MAP3K7CL: variants seen among roughly 807,000 people sequenced by gnomAD.
The protein encoded by MAP3K7CL is MAP3K7 C-terminal like.
MAP3K7CL carries 16 observed loss-of-function variants against 18.6 expected under a neutral mutation model. The observed-to-expected ratio is 0.86, with a 90% confidence interval of 0.58 to 1.31. The LOEUF (loss-of-function observed/expected upper bound fraction) is 1.31. MAP3K7CL is among the 50% of genes most tolerant of loss of function. MAP3K7CL has a pLI of 0.00. For missense variants in MAP3K7CL, 163 were observed against 174.4 expected (o/e 0.93, Z 0.37); for synonymous variants, 65 against 66.8 (o/e 0.97, Z 0.13).
intron 2 of MAP3K7CL, among the ~76,000 whole-genome samples, chr21:29,133,659 G>A (rs76276670): frequency 0.1 from 15,377 of 151,966 alleles, 1,721 homozygotes; most frequent in African/African-American, 0.27. Context: ...CCCCATTCTA[G>A]CTTTCTTTTA....
chr21:29,094,532 G>A (rs184760521), intron 4 of MAP3K7CL, among the ~76,000 whole-genome samples: 27 of 152,272 alleles, frequency 1.8e-4, no homozygotes, highest in Non-Finnish European at 3.1e-4. Flanking sequence ...TGCATGGGTC[G>A]CTTTGATAGA....
chr21:29,155,134 C>A (rs1601252943), intron 3 of MAP3K7CL, among the ~76,000 whole-genome samples: 2 of 152,142 alleles, frequency 1.3e-5, no homozygotes, highest in East Asian at 3.8e-4. Flanking sequence ...TAATAGAGTT[C>A]TTAAATATCG....
At chr21:29,116,346 A>C (rs2086505064) in intron 4 of MAP3K7CL, among the ~76,000 whole-genome samples, 1 of 152,240 alleles carries the variant, frequency 6.6e-6, no homozygotes, top group African/African-American at 2.4e-5. Context: ...ATATTTAAAA[A>C]ATATAAATGT....
intron 4 of MAP3K7CL, among the ~76,000 whole-genome samples, chr21:29,119,865 A>G (rs1405243695): frequency 6.6e-6 from 1 of 151,938 alleles, no homozygotes; most frequent in Non-Finnish European, 1.5e-5. Context: ...GGGTTTCACC[A>G]TGTTGGCCAG....
At chr21:29,103,734 C>CAA (rs113442821) in intron 4 of MAP3K7CL, among the ~76,000 whole-genome samples, 5 of 130,228 alleles carry the variant, frequency 3.8e-5, no homozygotes, top group Non-Finnish European at 5.0e-5. Flanking sequence ...GACTTTGTCT[C>CAA]AAAAAAAAAA....
At chr21:29,118,596 G>T (rs553655272) in intron 4 of MAP3K7CL, among the ~76,000 whole-genome samples, 1 of 152,336 alleles carries the variant, frequency 6.6e-6, no homozygotes, top group South Asian at 2.1e-4. Context: ...GGGTTGAAAT[G>T]ACTACACAGA....
chr21:29,112,891 C>T (rs73192180), intron 4 of MAP3K7CL, among the ~76,000 whole-genome samples: 1 of 151,856 alleles, frequency 6.6e-6, no homozygotes, highest in East Asian at 1.9e-4. Context: ...CCACTGCAAC[C>T]TCTGCCTCCT....
intron 4 of MAP3K7CL, among the ~76,000 whole-genome samples, chr21:29,094,317 G>T (rs1411095360): frequency 6.6e-6 from 1 of 152,246 alleles, no homozygotes; most frequent in Non-Finnish European, 1.5e-5. Context: ...ACAGCAGTGG[G>T]TTCTCAAATG....
chr21:29,121,052 T>A (rs1483061995), intron 4 of MAP3K7CL, among the ~76,000 whole-genome samples: 4 of 52,392 alleles, frequency 7.6e-5, no homozygotes, highest in Admixed American at 2.0e-4. Flanking sequence ...GGCAACAGAG[T>A]CAGATATATA....
intron 2 of MAP3K7CL, among the ~76,000 whole-genome samples, chr21:29,144,475 A>C (rs8131283): frequency 2.0e-5 from 3 of 152,072 alleles, no homozygotes; most frequent in Non-Finnish European, 4.4e-5. Context: ...AGAATATTTT[A>C]GGGAAAATTT....
In MAP3K7CL at chr21:29,169,306, AT is replaced by A. The variant is rs2087767236; in HGVS notation, c.249-5403del. ...TAGTACATTTCTTCATGCATTAAGC[AT>A]TTGTACAGCTTCAACAACATAGTCT... On this transcript the variant is annotated intron_variant, in intron 4 of 4. Coordinates refer to ENST00000399928, the MANE Select transcript of MAP3K7CL (RefSeq NM_001286620.2). 4.6e-5 allele frequency among the ~76,000 whole-genome samples: 7 copies of A among 152,334 alleles called. No individual in the cohort carries two copies. The South Asian group carries it at 1.5e-3, about 32-fold the overall frequency.
intron 4 of MAP3K7CL, among the ~76,000 whole-genome samples, chr21:29,162,498 A>T (rs1289007623): frequency 1.3e-5 from 2 of 151,886 alleles, no homozygotes; most frequent in Non-Finnish European, 1.5e-5. Flanking sequence ...CCTGGCCAAC[A>T]TGGCAAAACC....
At position 29,087,780 on chromosome 21, in the gene MAP3K7CL, A is replaced by T. The variant is rs551531111; in HGVS notation, c.57+1863A>T. On this transcript the variant is annotated intron_variant, in intron 1 of 6. Transcript: ENST00000286791. ...GGCTAATTTTTTGTATTTTTAGTAG[A>T]GACGGGGTTTCACTGAGTTAGCCAG... 1.8e-3 allele frequency among the ~76,000 whole-genome samples: 271 copies of T among 151,826 alleles called. 1 individual carries two copies. Among genetic ancestry groups the T allele is most frequent in the Middle Eastern group, 6.8e-3 (2 of 294 alleles).
At chr21:29,101,561 A>G (rs1169827585) in intron 4 of MAP3K7CL, among the ~76,000 whole-genome samples, 1 of 152,122 alleles carries the variant, frequency 6.6e-6, no homozygotes, top group African/African-American at 2.4e-5. Flanking sequence ...GGCGCCCGCC[A>G]CCATGCCCAG....
At chr21:29,087,889 G>A (rs986799062) in intron 1 of MAP3K7CL, among the ~76,000 whole-genome samples, 2 of 152,128 alleles carry the variant, frequency 1.3e-5, no homozygotes, top group East Asian at 1.9e-4. Flanking sequence ...CACCGCGCCC[G>A]GTCGTGCTCA....
intron 1 of MAP3K7CL, among the ~76,000 whole-genome samples, chr21:29,090,481 C>T (rs887429667): frequency 1.3e-5 from 2 of 151,876 alleles, no homozygotes; most frequent in Admixed American, 6.6e-5. Flanking sequence ...CCTGGGTTCA[C>T]GCCATTCTCC....
chr21:29,077,960 G>T (rs969954631), intron 1 of MAP3K7CL, among the ~76,000 whole-genome samples: 1 of 152,214 alleles, frequency 6.6e-6, no homozygotes, highest in Non-Finnish European at 1.5e-5. Context: ...TTAGGATTCT[G>T]ATAAGGACTC....
chr21:29,130,303 G>T (rs1390811795), upstream of MAP3K7CL, among the ~76,000 whole-genome samples: 1 of 152,140 alleles, frequency 6.6e-6, no homozygotes, highest in Non-Finnish European at 1.5e-5. Context: ...GCCCAACATG[G>T]GCTCAACCTC....
chr21:29,120,432 A>C (rs2086572788), intron 4 of MAP3K7CL, among the ~76,000 whole-genome samples: 1 of 152,186 alleles, frequency 6.6e-6, no homozygotes. Context: ...AAACTTTGTA[A>C]GTCTCAGTTA....
Sources: allele counts gnomAD v4.1 joint callset (sites outside exome capture counted in the v4.1 genomes callset), GRCh38; gene constraint gnomAD v4.1.1; transcripts MANE v1.5; gene names NCBI Gene and HGNC (gene_info 2026-07-23, HGNC 2026-07-21).